The following SGCZ variants were observed in gnomAD, a reference collection of about 807,000 sequenced individuals.
SGCZ encodes zeta-sarcoglycan.
A neutral mutation model predicts 41.3 loss-of-function variants in SGCZ; 40 were observed. That is an observed-to-expected ratio of 0.97 (90% CI 0.75 to 1.26). The LOEUF (loss-of-function observed/expected upper bound fraction) is 1.26. SGCZ is among the 50% of genes most tolerant of loss of function. The probability of loss-of-function intolerance (pLI) is 0.00; values close to 1 mark genes in which losing one functional copy is unlikely to be tolerated. For missense variants in SGCZ, 552 were observed against 369.8 expected (o/e 1.49, Z -4.04); for synonymous variants, 206 against 137.5 (o/e 1.50, Z -3.49).
intron 1 of SGCZ, among the ~76,000 whole-genome samples, chr8:14,566,854 A>G (rs6996326): frequency 0.68 from 103,304 of 152,098 alleles, 35,201 homozygotes; most frequent in Admixed American, 0.76. Context: ...GGGGCTGCAC[A>G]CGGTGCTTGC....
chr8:14,791,605 A>G (rs1464968699), intron 1 of SGCZ, among the ~76,000 whole-genome samples: 2 of 152,214 alleles, frequency 1.3e-5, no homozygotes, highest in Non-Finnish European at 1.5e-5. Flanking sequence ...CAATTTTTAC[A>G]TTACAATATA....
At chr8:14,560,871 CAA>C (rs5889539) in intron 1 of SGCZ, among the ~76,000 whole-genome samples, 16 of 151,234 alleles carry the variant, frequency 1.1e-4, no homozygotes, top group African/African-American at 3.9e-4. Flanking sequence ...AAACAAAACA[CAA>C]AAAAAAGTTA....
At chr8:14,462,750 C>G (rs1800937884) in intron 2 of SGCZ, among the ~76,000 whole-genome samples, 1 of 151,740 alleles carries the variant, frequency 6.6e-6, no homozygotes, top group African/African-American at 2.4e-5. Flanking sequence ...TCTATTTATG[C>G]AAGAAAAAGT....
rs367645238 is a variant in SGCZ at position 14,797,134 on chromosome 8, C to A, written c.40-242208G>T. ...AGGATACCTGAAAATGTGGAATTGA[C>A]TTTGGAACTGGATAACAGGCAGGGG... On this transcript the variant is annotated intron_variant, in intron 1 of 7. Coordinates refer to ENST00000382080, the MANE Select transcript of SGCZ (RefSeq NM_139167.4). 5.4e-5 allele frequency among the ~76,000 whole-genome samples: 8 copies of A among 149,530 alleles called. No homozygotes were observed. The South Asian group carries it at 1.1e-3, about 20-fold the overall frequency.
At chr8:14,248,571 G>C (rs1799184439) in intron 3 of SGCZ, among the ~76,000 whole-genome samples, 1 of 151,908 alleles carries the variant, frequency 6.6e-6, no homozygotes, top group African/African-American at 2.4e-5. Flanking sequence ...CTTTTTAAAG[G>C]ACATCATATT....
chr8:14,917,302 A>C (rs1044979302), intron 1 of SGCZ, among the ~76,000 whole-genome samples: 1 of 51,764 alleles, frequency 1.9e-5, no homozygotes, highest in Non-Finnish European at 3.3e-5. Context: ...AAGTTAGCCT[A>C]TTTAAGCAAG....
At chr8:15,169,171 C>G (rs574560370) in intron 1 of SGCZ, among the ~76,000 whole-genome samples, 1 of 152,308 alleles carries the variant, frequency 6.6e-6, no homozygotes, top group Admixed American at 6.5e-5. Flanking sequence ...TCCCCCAAAA[C>G]AGCGCCCCCT....
At chr8:14,447,721 C>G (rs1170491696) in intron 2 of SGCZ, among the ~76,000 whole-genome samples, 1 of 152,074 alleles carries the variant, frequency 6.6e-6, no homozygotes, top group African/African-American at 2.4e-5. Context: ...GGTACTGCAG[C>G]AAGAAAATAA....
intron 2 of SGCZ, among the ~76,000 whole-genome samples, chr8:14,477,656 A>G (rs1801399156): frequency 6.6e-6 from 1 of 152,172 alleles, no homozygotes; most frequent in African/African-American, 2.4e-5. Context: ...TACCATGAAA[A>G]CGTTAGGTCT....
At chr8:14,278,075 C>T (rs181411244) in intron 3 of SGCZ, among the ~76,000 whole-genome samples, 2 of 152,220 alleles carry the variant, frequency 1.3e-5, no homozygotes, top group Admixed American at 6.5e-5. Flanking sequence ...ACTCACCTTT[C>T]CATAACTTTT....
chr8:15,223,774 T>C (rs1445090462), intron 1 of SGCZ, among the ~76,000 whole-genome samples: 2 of 152,220 alleles, frequency 1.3e-5, no homozygotes, highest in East Asian at 1.9e-4. Context: ...TTACAGAATA[T>C]GTATTTAAAA....
chr8:14,514,665 A>G (rs1325784874), intron 2 of SGCZ, among the ~76,000 whole-genome samples: 4 of 148,058 alleles, frequency 2.7e-5, no homozygotes, highest in African/African-American at 1.0e-4. Flanking sequence ...CTTTACATAT[A>G]TATGTAAATA....
chr8:15,065,129 C>A (rs1805082424), intron 1 of SGCZ, among the ~76,000 whole-genome samples: 1 of 152,092 alleles, frequency 6.6e-6, no homozygotes, highest in African/African-American at 2.4e-5. Flanking sequence ...TTCCTGCATC[C>A]ATGTATCCTC....
chr8:15,067,469 G>T (rs972056230), intron 1 of SGCZ, among the ~76,000 whole-genome samples: 3 of 152,162 alleles, frequency 2.0e-5, no homozygotes, highest in Non-Finnish European at 4.4e-5. Context: ...TGACTTTACA[G>T]AGGTTATTCA....
chr8:14,126,661 A>G (rs750013598), intron 5 of SGCZ, among the ~76,000 whole-genome samples: 1 of 152,160 alleles, frequency 6.6e-6, no homozygotes, highest in Non-Finnish European at 1.5e-5. Flanking sequence ...ATACAAATCC[A>G]TTCTGTTATA....
chr8:14,426,218 A>G (rs1360289271), intron 2 of SGCZ, among the ~76,000 whole-genome samples: 1 of 152,148 alleles, frequency 6.6e-6, no homozygotes, highest in Admixed American at 6.6e-5. Context: ...GACATACTAT[A>G]CAAGTCTAAG....
At chr8:14,252,350 G>C (rs1799318112) in intron 3 of SGCZ, among the ~76,000 whole-genome samples, 1 of 151,282 alleles carries the variant, frequency 6.6e-6, no homozygotes. Context: ...TTGTTATTGG[G>C]TTTTACTATT....
chr8:14,926,380 C>A (rs1314318343), intron 1 of SGCZ, among the ~76,000 whole-genome samples: 2 of 152,080 alleles, frequency 1.3e-5, no homozygotes, highest in African/African-American at 4.8e-5. Context: ...ACTTATAGAA[C>A]CATCAATGTT....
intron 1 of SGCZ, among the ~76,000 whole-genome samples, chr8:14,758,274 AGAGT>A (rs1799751430): frequency 1.3e-5 from 2 of 152,206 alleles, no homozygotes; most frequent in African/African-American, 2.4e-5. Flanking sequence ...GGTGCATATA[AGAGT>A]GAGGGTGACA....
Sources: gnomAD v4.1 joint callset for allele counts (sites outside exome capture counted in the v4.1 genomes callset) on GRCh38, gnomAD v4.1.1 for gene constraint, MANE v1.5 for transcripts, NCBI Gene and HGNC (gene_info 2026-07-23, HGNC 2026-07-21) for gene names.